The following XKR9 variants were observed in gnomAD, a reference collection of about 807,000 sequenced individuals.
The protein encoded by XKR9 is XK-related protein 9.
A neutral mutation model predicts 32.0 loss-of-function variants in XKR9; 32 were observed. That is an observed-to-expected ratio of 1.00 (90% CI 0.76 to 1.34). The LOEUF (loss-of-function observed/expected upper bound fraction) is 1.34. XKR9 is among the 40% of genes most tolerant of loss of function. The probability of loss-of-function intolerance (pLI) is 0.00; values close to 1 mark genes in which losing one functional copy is unlikely to be tolerated. For missense variants in XKR9, 546 were observed against 429.7 expected (o/e 1.27, Z -2.39); for synonymous variants, 168 against 143.4 (o/e 1.17, Z -1.22).
chr8:70,819,923 G>A, the XKR9 span, among the ~76,000 whole-genome samples: 1 of 152,148 alleles, frequency 6.6e-6, no homozygotes, highest in Non-Finnish European at 1.5e-5. Context: ...TCAAAAAGAG[G>A]AAAGCTGGCT....
chr8:70,956,077 C>G, the XKR9 span, among the ~76,000 whole-genome samples: 1 of 152,158 alleles, frequency 6.6e-6, no homozygotes, highest in South Asian at 2.1e-4. Flanking sequence ...TCCTTCTCAT[C>G]GCTTGCAACA....
chr8:70,683,514 G>A (rs1357934645), intron 3 of XKR9: 2 of 443,498 alleles, frequency 4.5e-6, no homozygotes, highest in Admixed American at 5.0e-5. Context: ...TTGAGACAGG[G>A]CCTTGCTCTG....
At chr8:70,922,122 C>T in the XKR9 span, among the ~76,000 whole-genome samples, 972 of 152,288 alleles carry the variant, frequency 6.4e-3, 18 homozygotes, top group African/African-American at 0.022. Flanking sequence ...TTCACCTCCT[C>T]TACCCTCTGT....
chr8:70,697,537 C>G (rs1405987942), intron 3 of XKR9, among the ~76,000 whole-genome samples: 4 of 150,194 alleles, frequency 2.7e-5, no homozygotes, highest in African/African-American at 4.9e-5. Flanking sequence ...ATGAAGCCCA[C>G]TTGATCATGG....
chr8:70,817,599 C>A, the XKR9 span, among the ~76,000 whole-genome samples: 1 of 152,098 alleles, frequency 6.6e-6, no homozygotes, highest in African/African-American at 2.4e-5. Flanking sequence ...CTACCAATGT[C>A]ATTTTTCACA....
chr8:70,805,380 T>C, the XKR9 span, among the ~76,000 whole-genome samples: 2 of 152,230 alleles, frequency 1.3e-5, no homozygotes, highest in African/African-American at 4.8e-5. Flanking sequence ...CTGCTTAGCC[T>C]ACCGAGCTCC....
intron 4 of XKR9, among the ~76,000 whole-genome samples, chr8:70,709,033 G>T (rs144131337): frequency 6.1e-4 from 92 of 152,042 alleles, no homozygotes; most frequent in African/African-American, 2.1e-3. Flanking sequence ...ATGAACATAG[G>T]CACAAAAATC....
intron 1 of XKR9, among the ~76,000 whole-genome samples, chr8:70,670,388 G>A (rs750906345): frequency 6.6e-6 from 1 of 152,084 alleles, no homozygotes; most frequent in Non-Finnish European, 1.5e-5. Flanking sequence ...AAAAAAAGTT[G>A]AGTTATAAAT....
chr8:70,750,634 A>G (rs978940508), intron 2 of XKR9, among the ~76,000 whole-genome samples: 2 of 152,162 alleles, frequency 1.3e-5, no homozygotes, highest in African/African-American at 4.8e-5. Flanking sequence ...AGCTTTCTTG[A>G]TATATAATTC....
At chr8:70,898,652 A>T in the XKR9 span, among the ~76,000 whole-genome samples, 1 of 152,176 alleles carries the variant, frequency 6.6e-6, no homozygotes, top group East Asian at 1.9e-4. Flanking sequence ...TCTGTTATTA[A>T]TATCTAGTTT....
At chr8:70,828,584 T>G in the XKR9 span, among the ~76,000 whole-genome samples, 1 of 151,788 alleles carries the variant, frequency 6.6e-6, no homozygotes, top group African/African-American at 2.4e-5. Flanking sequence ...ATTAGCCAGG[T>G]GCAGTGGCAC....
chr8:70,841,316 A>T, the XKR9 span, among the ~76,000 whole-genome samples: 2 of 152,252 alleles, frequency 1.3e-5, no homozygotes, highest in East Asian at 3.9e-4. Context: ...AATTAATCAG[A>T]TTTCTGTGAT....
chr8:70,992,106 C>A, the XKR9 span, among the ~76,000 whole-genome samples: 5 of 152,126 alleles, frequency 3.3e-5, no homozygotes, highest in Non-Finnish European at 5.9e-5. Flanking sequence ...GTTTTGCTTT[C>A]TTTTGATGTA....
chr8:71,042,559 C>T, the XKR9 span, among the ~76,000 whole-genome samples: 3 of 151,992 alleles, frequency 2.0e-5, no homozygotes, highest in Admixed American at 6.6e-5. Flanking sequence ...GTTTAAATGG[C>T]GTTTTGAATG....
the XKR9 span, among the ~76,000 whole-genome samples, chr8:70,856,363 A>T: frequency 6.6e-6 from 1 of 152,222 alleles, no homozygotes; most frequent in African/African-American, 2.4e-5. Flanking sequence ...ACCAACGAAG[A>T]TCAAAAGAGA....
the XKR9 span, among the ~76,000 whole-genome samples, chr8:70,996,072 A>G: frequency 6.6e-6 from 1 of 152,166 alleles, no homozygotes; most frequent in East Asian, 1.9e-4. Flanking sequence ...CTCTCTATCC[A>G]TCTTAGATTA....
intron 3 of XKR9, among the ~76,000 whole-genome samples, chr8:70,694,904 G>A (rs1452312006): frequency 2.6e-5 from 4 of 152,186 alleles, no homozygotes; most frequent in Admixed American, 2.0e-4. Context: ...CTCCATGCAT[G>A]CCTGAGTGGC....
intron 4 of XKR9, among the ~76,000 whole-genome samples, chr8:70,731,280 A>T (rs577356844): frequency 6.6e-6 from 1 of 152,226 alleles, no homozygotes; most frequent in South Asian, 2.1e-4. Context: ...AGAAAGAGAG[A>T]GAGAGAAAGA....
intron 2 of XKR9, among the ~76,000 whole-genome samples, chr8:70,776,378 A>C (rs1807520518): frequency 6.6e-6 from 1 of 152,012 alleles, no homozygotes; most frequent in Non-Finnish European, 1.5e-5. Flanking sequence ...CCTTTTTTTA[A>C]GTGTCTGTAG....
Sources: gnomAD v4.1 joint callset for allele counts (sites outside exome capture counted in the v4.1 genomes callset) on GRCh38, gnomAD v4.1.1 for gene constraint, MANE v1.5 for transcripts, NCBI Gene and HGNC (gene_info 2026-07-23, HGNC 2026-07-21) for gene names.